Variants in CRYBG1 observed in about 807,000 individuals in gnomAD.
CRYBG1 encodes beta/gamma crystallin domain-containing protein 1.
CRYBG1 carries 139 observed loss-of-function variants against 189.2 expected under a neutral mutation model. That is an observed-to-expected ratio of 0.73 (90% CI 0.64 to 0.85). The LOEUF (loss-of-function observed/expected upper bound fraction) is 0.85. CRYBG1 is among the 40% of genes least tolerant of loss of function. The probability of loss-of-function intolerance (pLI) is 0.00; values close to 1 mark genes in which losing one functional copy is unlikely to be tolerated. For missense variants in CRYBG1, 2,611 were observed against 2,675.8 expected (o/e 0.98, Z 0.53); for synonymous variants, 1,023 against 1,017.1 (o/e 1.01, Z -0.11).
Position 106,544,950 on chromosome 6 carries a change from A to C in CRYBG1, c.5312+17A>C, listed in dbSNP as rs756527179. 3 of 1,587,456 alleles carry C rather than the reference A, an allele frequency of 1.9e-6. No homozygotes were observed. The highest frequency in any genetic ancestry group is 1.2e-5 in the South Asian group (1 of 85,886). On this transcript the variant is annotated intron_variant, in intron 13 of 21. Transcript: ENST00000633556. ...GAGTGGAGTGTAAGTGAAATAATCCAGTTGGAATTTTAAACATGCGTTTTA... is the reference window on the plus strand; with the variant it reads ...GAGTGGAGTGTAAGTGAAATAATCCCGTTGGAATTTTAAACATGCGTTTTA...
chr6:106,362,881 C>T (rs901773606), intron 1 of CRYBG1, among the ~76,000 whole-genome samples: 1 of 152,152 alleles, frequency 6.6e-6, no homozygotes, highest in Non-Finnish European at 1.5e-5. Context: ...TTATCATTTA[C>T]TGTCTATCAA....
chr6:106,482,601 C>A (rs947032581), intron 2 of CRYBG1, among the ~76,000 whole-genome samples: 2 of 151,996 alleles, frequency 1.3e-5, no homozygotes, highest in African/African-American at 2.4e-5. Flanking sequence ...CCGTGAAACC[C>A]CGTCTCTACT....
intron 2 of CRYBG1, among the ~76,000 whole-genome samples, chr6:106,488,577 G>A (rs969383012): frequency 2.0e-5 from 3 of 152,114 alleles, no homozygotes; most frequent in Non-Finnish European, 4.4e-5. Flanking sequence ...CAATCCTGGG[G>A]CAGGTGCTTG....
intron 1 of CRYBG1, among the ~76,000 whole-genome samples, chr6:106,386,165 C>T (rs1030004325): frequency 3.3e-5 from 5 of 152,194 alleles, no homozygotes; most frequent in African/African-American, 1.2e-4. Context: ...CCTGTAACTT[C>T]AGTAGGACTC....
intron 1 of CRYBG1, among the ~76,000 whole-genome samples, chr6:106,366,041 C>T (rs2114290278): frequency 6.6e-6 from 1 of 152,270 alleles, no homozygotes; most frequent in South Asian, 2.1e-4. Context: ...TAAGGATAAA[C>T]TATTGTTATC....
intron 1 of CRYBG1, among the ~76,000 whole-genome samples, chr6:106,436,515 C>G (rs1029378390): frequency 6.6e-6 from 1 of 152,100 alleles, no homozygotes; most frequent in Non-Finnish European, 1.5e-5. Flanking sequence ...AGGATGGTCT[C>G]GATCTCCTGA....
intron 8 of CRYBG1, among the ~76,000 whole-genome samples, chr6:106,534,659 T>A (rs2114561178): frequency 6.6e-6 from 1 of 152,346 alleles, no homozygotes; most frequent in Middle Eastern, 3.4e-3. Flanking sequence ...ACTTGTCTGG[T>A]CAAATTCTTG....
intron 2 of CRYBG1, among the ~76,000 whole-genome samples, chr6:106,462,138 A>AGTTTTTTGTTTGTTT (rs1772018763): frequency 2.0e-5 from 3 of 150,112 alleles, no homozygotes; most frequent in Non-Finnish European, 4.5e-5. Context: ...TTTTTTCTGA[A>AGTTTTTTGTTTGTTT]GTTTTTTGTT....
intron 1 of CRYBG1, among the ~76,000 whole-genome samples, chr6:106,378,163 C>T (rs1480923153): frequency 6.6e-6 from 1 of 152,162 alleles, no homozygotes; most frequent in Non-Finnish European, 1.5e-5. Flanking sequence ...TTTCTGGAAG[C>T]CTTGAGCATT....
intron 2 of CRYBG1, among the ~76,000 whole-genome samples, chr6:106,480,620 TCG>T (rs1352922508): frequency 7.6e-4 from 113 of 148,584 alleles, no homozygotes; most frequent in Middle Eastern, 7.7e-3. Flanking sequence ...TGAGCTGAGA[TCG>T]CACCACTGCA....
rs1241649389 is a variant in CRYBG1, at chr6:106,520,153, G to C, written c.2945G>C (p.Arg982Thr). ...GTCATCCCAGAGAGCTCTGAAGTTA[G>C]AGAAGTGCAGTTGCCAACTTGTCAC... Reference protein sequence around the residue: ...SQVIPESSEVREVQLPTCHSN... With the variant: ...SQVIPESSEVTEVQLPTCHSN... Residue 982 changes from arginine (R) to threonine (T), a missense_variant, in exon 4 of 22, where the codon AGA becomes ACA. Arg to Thr is a moderately conservative substitution (Grantham distance 71). This residue lies in a region of CRYBG1 where 1,622 missense variants were observed against 1,735.0 expected (regional missense o/e 0.93). Transcript: ENST00000633556. 2.5e-6 allele frequency: 4 copies of C among 1,614,046 alleles called. No homozygotes were observed. Among genetic ancestry groups the C allele is most frequent in the East Asian group, 4.5e-5 (2 of 44,890 alleles).
In CRYBG1 at chr6:106,434,367, G is replaced by A. The variant is rs111340613; in HGVS notation, c.174-17327G>A. 4.1e-3 allele frequency among the ~76,000 whole-genome samples: 618 copies of A among 152,134 alleles called. 4 individuals are homozygous for A. Among genetic ancestry groups the A allele is most frequent in the African/African-American group, 0.014 (574 of 41,496 alleles). On this transcript the variant is annotated intron_variant, in intron 1 of 21. Coordinates refer to ENST00000633556, the MANE Select transcript of CRYBG1 (RefSeq NM_001371242.2). ...AGTCAAAAAAATTAAGTAAATTTAA[G>A]GATTATTCAGATTTTGAACTGCATT...
intron 17 of CRYBG1, among the ~76,000 whole-genome samples, chr6:106,557,980 G>A (rs1316799763): frequency 6.6e-6 from 1 of 151,852 alleles, no homozygotes; most frequent in Non-Finnish European, 1.5e-5. Flanking sequence ...TTGGGAGCAT[G>A]AGTACACAGA....
chr6:106,534,607 T>C (rs1773957860), intron 8 of CRYBG1, among the ~76,000 whole-genome samples: 1 of 152,314 alleles, frequency 6.6e-6, no homozygotes, highest in South Asian at 2.1e-4. Context: ...GCCCATTCAC[T>C]CTAGATTAAG....
rs181016662 is a variant in CRYBG1 at position 106,461,733 on chromosome 6, A to C, written c.312+9901A>C. 3.9e-5 allele frequency among the ~76,000 whole-genome samples: 6 copies of C among 152,096 alleles called. No individual in the cohort carries two copies. The East Asian group carries it at 1.2e-3, about 29-fold the overall frequency. On this transcript the variant is annotated intron_variant, in intron 2 of 21. Transcript: ENST00000633556. ...TCCGGACACTCCAGCTCTCCTACAA[A>C]ACTTCCTGTTCTCTCTCGGGAAAAA...
At chr6:106,549,234 G>A (rs1394298818) in intron 13 of CRYBG1, among the ~76,000 whole-genome samples, 1 of 152,186 alleles carries the variant, frequency 6.6e-6, no homozygotes, top group Non-Finnish European at 1.5e-5. Flanking sequence ...GGTAAAGCCT[G>A]AGGCCCTGTG....
At chr6:106,469,247 G>T (rs4278045) in intron 2 of CRYBG1, among the ~76,000 whole-genome samples, 12,815 of 152,240 alleles carry the variant, frequency 0.084, 700 homozygotes, top group East Asian at 0.22. Flanking sequence ...ATTGGTCACA[G>T]CTTAGCTTAA....
At chr6:106,502,025 T>G (rs1224629790) in intron 2 of CRYBG1, among the ~76,000 whole-genome samples, 1 of 152,156 alleles carries the variant, frequency 6.6e-6, no homozygotes, top group African/African-American at 2.4e-5. Flanking sequence ...TCATTTCTCT[T>G]CTGGGTCCCA....
intron 2 of CRYBG1, among the ~76,000 whole-genome samples, chr6:106,482,169 A>T (rs1461783019): frequency 1.3e-5 from 2 of 152,160 alleles, no homozygotes; most frequent in African/African-American, 4.8e-5. Flanking sequence ...GGCAGAATTC[A>T]TCTCCTTGAA....
Sources: allele counts gnomAD v4.1 joint callset (sites outside exome capture counted in the v4.1 genomes callset), GRCh38; gene constraint gnomAD v4.1.1; regional missense constraint gnomAD v4.1.1; transcripts MANE v1.5; gene names NCBI Gene and HGNC (gene_info 2026-07-23, HGNC 2026-07-21).